RAD51B: variants seen among roughly 807,000 people sequenced by gnomAD.
RAD51B encodes the protein RAD51 paralog B, also known as DNA repair protein RAD51 homolog 2.
In RAD51B, 38 loss-of-function variants were observed where a neutral mutation model predicts 42.2. That is an observed-to-expected ratio of 0.90 (90% confidence interval 0.70 to 1.18). The LOEUF (loss-of-function observed/expected upper bound fraction) is 1.18, where lower values mean the gene tolerates loss of function less well. Ranked by LOEUF, RAD51B falls within the 50% of genes most tolerant of loss-of-function variation. The probability of loss-of-function intolerance (pLI) is 0.00; values close to 1 mark genes in which losing one functional copy is unlikely to be tolerated. For missense variants in RAD51B, 373 were observed against 400.7 expected (o/e 0.93, Z 0.59); for synonymous variants, 154 against 145.2 (o/e 1.06, Z -0.43).
chr14:68,074,138 CTCTT>C (rs1285624074), intron 7 of RAD51B, among the ~76,000 whole-genome samples: 12 of 152,188 alleles, frequency 7.9e-5, no homozygotes, highest in African/African-American at 2.2e-4. Context: ...TGCTTGCTCT[CTCTT>C]TCTCTCTTTC....
chr14:67,996,606 C>T (rs1400593468), intron 7 of RAD51B, among the ~76,000 whole-genome samples: 3 of 151,914 alleles, frequency 2.0e-5, no homozygotes, highest in African/African-American at 4.8e-5. Flanking sequence ...TCCAAGGAAG[C>T]CAATAGATCT....
At chr14:68,541,426 A>C (rs1887960361) in intron 10 of RAD51B, 1 of 985,338 alleles carries the variant, frequency 1.0e-6, no homozygotes, top group Non-Finnish European at 1.2e-6. Flanking sequence ...GTGTCTGTGC[A>C]TCAGAATCAA....
In RAD51B at chr14:68,415,337, C is replaced by T. The variant is rs562707140; in HGVS notation, c.957+3810C>T. On this transcript the variant is annotated intron_variant, in intron 9 of 10. Coordinates refer to ENST00000471583, the MANE Select transcript of RAD51B (RefSeq NM_133510.4). The stretch of plus-strand genomic sequence containing the variant: ...GAACAAACAGGAGGATAGGCTGCAT[C>T]GTCAGAGGGCACAGGCTGGGTTTTG... Among the ~76,000 whole-genome samples the T allele has an allele frequency of 7.2e-5, 11 of 152,278 alleles. No individual in the cohort carries two copies. The South Asian group carries it at 8.3e-4, about 11-fold the overall frequency.
At chr14:68,679,166 C>A (rs986978320) in intron 11 of RAD51B, among the ~76,000 whole-genome samples, 2 of 152,160 alleles carry the variant, frequency 1.3e-5, no homozygotes, top group Non-Finnish European at 2.9e-5. Context: ...AAAGGCTTCC[C>A]GAGCACCAGG....
At chr14:67,867,695 G>A (rs764749821) in intron 5 of RAD51B, among the ~76,000 whole-genome samples, 1 of 152,232 alleles carries the variant, frequency 6.6e-6, no homozygotes, top group Non-Finnish European at 1.5e-5. Flanking sequence ...GGCTCTCATA[G>A]CGAGGAAGAA....
At chr14:68,525,108 T>C (rs1441205803) in intron 10 of RAD51B, among the ~76,000 whole-genome samples, 2 of 152,124 alleles carry the variant, frequency 1.3e-5, no homozygotes, top group African/African-American at 4.8e-5. Context: ...TCCCAGTATG[T>C]GGAAGAGAGA....
intron 7 of RAD51B, among the ~76,000 whole-genome samples, chr14:68,039,670 T>C (rs2076188495): frequency 6.6e-6 from 1 of 152,220 alleles, no homozygotes; most frequent in African/African-American, 2.4e-5. Flanking sequence ...AAGAATGAGA[T>C]GTTGCTTCAA....
chr14:68,462,901 C>T (rs111374809), intron 9 of RAD51B, among the ~76,000 whole-genome samples: 23,910 of 152,240 alleles, frequency 0.16, 2,485 homozygotes, highest in Non-Finnish European at 0.23. Context: ...TATATCTACA[C>T]TCATTCTTGC....
chr14:68,040,801 A>C (rs1595303780), intron 7 of RAD51B, among the ~76,000 whole-genome samples: 1 of 152,260 alleles, frequency 6.6e-6, no homozygotes, highest in East Asian at 1.9e-4. Flanking sequence ...GAAAATGCAA[A>C]ATCTCTGGCC....
intron 7 of RAD51B, among the ~76,000 whole-genome samples, chr14:68,141,166 C>G (rs1165741884): frequency 6.6e-6 from 1 of 152,064 alleles, no homozygotes; most frequent in Non-Finnish European, 1.5e-5. Context: ...AGAACAGTGC[C>G]ACTCTTCTCA....
intron 7 of RAD51B, among the ~76,000 whole-genome samples, chr14:67,931,927 G>T (rs896091344): frequency 2.0e-5 from 3 of 151,880 alleles, no homozygotes; most frequent in Non-Finnish European, 2.9e-5. Context: ...CTGCACACCT[G>T]GTATAATAGT....
chr14:68,322,421 A>G (rs2082173082), intron 8 of RAD51B, among the ~76,000 whole-genome samples: 1 of 152,130 alleles, frequency 6.6e-6, no homozygotes, highest in African/African-American at 2.4e-5. Flanking sequence ...CACATGTTTC[A>G]GTTGCTTTTG....
chr14:68,121,385 A>G (rs1266448258), intron 7 of RAD51B, among the ~76,000 whole-genome samples: 2 of 152,172 alleles, frequency 1.3e-5, no homozygotes, highest in Admixed American at 6.5e-5. Flanking sequence ...CCATGCTTCT[A>G]AGAGGCGTTA....
chr14:68,280,802 C>T (rs2081306863), intron 7 of RAD51B, among the ~76,000 whole-genome samples: 1 of 152,030 alleles, frequency 6.6e-6, no homozygotes, highest in South Asian at 2.1e-4. Context: ...ACCTGTAAAC[C>T]CAGCACTTTG....
chr14:68,470,082 G>A (rs890933380), intron 10 of RAD51B, among the ~76,000 whole-genome samples: 10 of 152,146 alleles, frequency 6.6e-5, no homozygotes, highest in South Asian at 2.1e-4. Flanking sequence ...ATGACTTTTC[G>A]AAAAAGTTGG....
At chr14:68,528,405 T>C (rs921901592) in intron 10 of RAD51B, among the ~76,000 whole-genome samples, 4 of 152,242 alleles carry the variant, frequency 2.6e-5, no homozygotes, top group Non-Finnish European at 5.9e-5. Flanking sequence ...AACCAACTTA[T>C]TGCATATGTG....
At chr14:68,471,975 G>A (rs113632602) in intron 10 of RAD51B, 1 of 152,336 alleles carries the variant, frequency 6.6e-6, no homozygotes, top group African/African-American at 2.4e-5. Flanking sequence ...GGAAATGTTG[G>A]GGTAGGAGGG....
At position 68,001,775 on chromosome 14, in the gene RAD51B, C is replaced by T. The variant is rs981137215; in HGVS notation, c.756+114571C>T. Among the ~76,000 whole-genome samples, 3 of 152,180 alleles carry T rather than the reference C, an allele frequency of 2.0e-5. 1 individual carries two copies. Among genetic ancestry groups the T allele is most frequent in the Non-Finnish European group, 4.4e-5 (3 of 68,028 alleles). On this transcript the variant is annotated intron_variant, in intron 7 of 10. Transcript: ENST00000471583. ...CTGTGTTCTCATCATCCAGCTCCTACTTACAAGCGAGAACATGTGGCGTTT... is the reference window on the plus strand; with the variant it reads ...CTGTGTTCTCATCATCCAGCTCCTATTTACAAGCGAGAACATGTGGCGTTT...
At chr14:68,361,403 G>A (rs1367297315) in intron 8 of RAD51B, among the ~76,000 whole-genome samples, 2 of 152,102 alleles carry the variant, frequency 1.3e-5, no homozygotes, top group Non-Finnish European at 2.9e-5. Context: ...GTGAATGAGC[G>A]GCCTTGAAAT....
Sources: allele counts gnomAD v4.1 joint callset (sites outside exome capture counted in the v4.1 genomes callset), GRCh38; gene constraint gnomAD v4.1.1; transcripts MANE v1.5; gene names NCBI Gene and HGNC (gene_info 2026-07-23, HGNC 2026-07-21).